MALRD1: variants seen among roughly 807,000 people sequenced by gnomAD.
MALRD1 encodes the protein MAM and LDL receptor class A domain containing 1, also known as MAM and LDL-receptor class A domain-containing protein 1.
MALRD1 carries 247 observed loss-of-function variants against 242.1 expected under a neutral mutation model. That is an observed-to-expected ratio of 1.02 (90% CI 0.92 to 1.13). The LOEUF is 1.13. Ranked by LOEUF, MALRD1 falls within the 50% of genes most tolerant of loss-of-function variation. MALRD1 has a pLI of 0.00. For missense variants in MALRD1, 2,989 were observed against 2,533.1 expected (o/e 1.18, Z -3.86); for synonymous variants, 995 against 866.6 (o/e 1.15, Z -2.60).
At chr10:19,513,779 C>T (rs1372542401) in intron 31 of MALRD1, among the ~76,000 whole-genome samples, 1 of 151,978 alleles carries the variant, frequency 6.6e-6, no homozygotes, top group African/African-American at 2.4e-5. Flanking sequence ...TAAGGTACTC[C>T]TTTATAGCAA....
chr10:19,567,689 A>G lies in MALRD1; in HGVS notation c.5666A>G (p.Glu1889Gly), dbSNP rs950278190. ...IALDDISFTP[E>G]CVTGGPVPVQ... The stretch of plus-strand genomic sequence containing the variant: ...CTTGATGACATCTCTTTTACCCCAG[A>G]GTGTGTGACTGGAGGTAAGTGATTC... Residue 1889 changes from glutamate (E) to glycine (G), a missense_variant, in exon 33 of 40, where the codon GAG becomes GGG. Physicochemically the swap from Glu to Gly is moderately conservative, Grantham distance 98. Coordinates refer to ENST00000454679, the MANE Select transcript of MALRD1 (RefSeq NM_001142308.3). 23 of 1,550,244 alleles carry G rather than the reference A, an allele frequency of 1.5e-5. No individual in the cohort carries two copies. The highest frequency in any genetic ancestry group is 2.6e-6 in the Non-Finnish European group (3 of 1,146,734).
Position 19,084,306 on chromosome 10 carries a change from A to C in MALRD1, c.341-3534A>C, listed in dbSNP as rs115657092. ...CTATTTGCTCTCTATTATCCGAACT[A>C]AACTATGTGTTTGTCAGAAATTAGT... On this transcript the variant is annotated intron_variant, in intron 2 of 39. Coordinates refer to ENST00000454679, the MANE Select transcript of MALRD1 (RefSeq NM_001142308.3). Among the ~76,000 whole-genome samples the C allele has an allele frequency of 1.4e-3, 213 of 152,060 alleles. 1 individual carries two copies. Among genetic ancestry groups the C allele is most frequent in the African/African-American group, 4.7e-3 (197 of 41,534 alleles).
At chr10:19,308,899 A>G (rs1842325163) in intron 21 of MALRD1, among the ~76,000 whole-genome samples, 1 of 151,600 alleles carries the variant, frequency 6.6e-6, no homozygotes, top group South Asian at 2.1e-4. Context: ...TAAATCAAAG[A>G]CAGCTGAACT....
intron 24 of MALRD1, among the ~76,000 whole-genome samples, chr10:19,340,205 G>A (rs1843783753): frequency 6.6e-6 from 1 of 152,106 alleles, no homozygotes; most frequent in South Asian, 2.1e-4. Flanking sequence ...GACATGCCTT[G>A]AGAAATAATC....
intron 34 of MALRD1, among the ~76,000 whole-genome samples, chr10:19,602,709 A>G (rs12263013): frequency 5.9e-5 from 9 of 151,842 alleles, no homozygotes; most frequent in African/African-American, 2.2e-4. Context: ...GGGTATATAC[A>G]CAGTAATGGG....
intron 32 of MALRD1, among the ~76,000 whole-genome samples, chr10:19,538,110 A>G (rs1271845394): frequency 6.6e-6 from 1 of 152,220 alleles, no homozygotes; most frequent in Non-Finnish European, 1.5e-5. Flanking sequence ...AACAACTAGT[A>G]TAGTCGTGAG....
intron 21 of MALRD1, among the ~76,000 whole-genome samples, chr10:19,291,084 G>T (rs1048039268): frequency 6.6e-6 from 1 of 152,118 alleles, no homozygotes; most frequent in African/African-American, 2.4e-5. Context: ...AAAGTTTTAA[G>T]TTCTTGGTCC....
intron 28 of MALRD1, among the ~76,000 whole-genome samples, chr10:19,406,798 G>A (rs1403808886): frequency 5.3e-5 from 8 of 152,158 alleles, no homozygotes; most frequent in African/African-American, 1.7e-4. Flanking sequence ...AGAGCATTAA[G>A]ATGACATAGT....
chr10:19,618,622 G>T (rs1839270903), intron 36 of MALRD1, among the ~76,000 whole-genome samples: 2 of 151,972 alleles, frequency 1.3e-5, no homozygotes, highest in Non-Finnish European at 2.9e-5. Flanking sequence ...TTGGCAGCAT[G>T]TGTGTCTTCT....
intron 33 of MALRD1, among the ~76,000 whole-genome samples, chr10:19,581,738 A>G (rs971467574): frequency 6.6e-5 from 10 of 150,460 alleles, no homozygotes; most frequent in Non-Finnish European, 1.2e-4. Flanking sequence ...TATACCCAGT[A>G]ATGGGATGGC....
At chr10:19,712,902 C>T (rs1834199441) in intron 38 of MALRD1, among the ~76,000 whole-genome samples, 1 of 152,140 alleles carries the variant, frequency 6.6e-6, no homozygotes, top group African/African-American at 2.4e-5. Flanking sequence ...ATATCCCTGT[C>T]AATAGAACAG....
At chr10:19,400,006 A>T (rs766857251) in intron 28 of MALRD1, among the ~76,000 whole-genome samples, 1 of 152,170 alleles carries the variant, frequency 6.6e-6, no homozygotes, top group Admixed American at 6.6e-5. Flanking sequence ...TAGGATTACA[A>T]CTTTCTTCTG....
At chr10:19,667,347 C>G (rs1259159672) in intron 36 of MALRD1, among the ~76,000 whole-genome samples, 1 of 152,064 alleles carries the variant, frequency 6.6e-6, no homozygotes, top group Admixed American at 6.6e-5. Context: ...TAGCAGGGGC[C>G]AGCTATGAGG....
rs181957494 is a variant in MALRD1, at chr10:19,524,998, A to G, written c.5321-6196A>G. Among the ~76,000 whole-genome samples the G allele has an allele frequency of 1.4e-4, 21 of 151,816 alleles. No homozygotes were observed. In the East Asian group the frequency reaches 3.5e-3, roughly 25 times the overall value. On this transcript the variant is annotated intron_variant, in intron 31 of 39. Coordinates refer to ENST00000454679, the MANE Select transcript of MALRD1 (RefSeq NM_001142308.3). ...GGCTTACTGCAACCTCCCGCCTCCT[A>G]GGTTCAAGCGATTTTCCTGCCTCAG... is the stretch of plus-strand genomic sequence containing the variant.
intron 38 of MALRD1, among the ~76,000 whole-genome samples, chr10:19,707,177 C>T (rs558527688): frequency 1.5e-4 from 22 of 151,604 alleles, no homozygotes; most frequent in African/African-American, 5.3e-4. Context: ...TCGTCCTCCT[C>T]CTCTGCCTCC....
chr10:19,696,140 G>C (rs552144515), intron 38 of MALRD1, among the ~76,000 whole-genome samples: 1 of 152,244 alleles, frequency 6.6e-6, no homozygotes, highest in South Asian at 2.1e-4. Context: ...TGCTGCATCT[G>C]CATGAAGGAA....
chr10:19,195,863 C>G (rs1188853184), intron 14 of MALRD1, among the ~76,000 whole-genome samples: 7 of 152,182 alleles, frequency 4.6e-5, no homozygotes, highest in Admixed American at 4.6e-4. Context: ...ATGCAATTTC[C>G]CCAGTCCATT....
At chr10:19,299,547 A>G (rs1488699812) in intron 21 of MALRD1, among the ~76,000 whole-genome samples, 4 of 151,834 alleles carry the variant, frequency 2.6e-5, no homozygotes, top group Non-Finnish European at 5.9e-5. Flanking sequence ...AGACCTACAA[A>G]TAGACTTATA....
intron 36 of MALRD1, among the ~76,000 whole-genome samples, chr10:19,685,787 C>A (rs961265800): frequency 3.3e-5 from 5 of 152,146 alleles, no homozygotes; most frequent in African/African-American, 1.2e-4. Flanking sequence ...GAATAGGTCT[C>A]TTACCACAAT....
Sources: allele counts gnomAD v4.1 joint callset (sites outside exome capture counted in the v4.1 genomes callset), GRCh38; gene constraint gnomAD v4.1.1; transcripts MANE v1.5; gene names NCBI Gene and HGNC (gene_info 2026-07-23, HGNC 2026-07-21).